Variants in PDE3A observed in about 807,000 individuals in gnomAD.
PDE3A encodes phosphodiesterase 3A.
In PDE3A, 43 loss-of-function variants were observed where a neutral mutation model predicts 98.3. The ratio of observed to expected loss-of-function variants is 0.44; its 90% CI spans 0.34 to 0.56. PDE3A has a LOEUF of 0.56. Ranked by LOEUF, PDE3A falls within the 20% of genes least tolerant of loss-of-function variation. PDE3A has a pLI of 0.01. For missense variants in PDE3A, 1,427 were observed against 1,440.7 expected (o/e 0.99, Z 0.15); for synonymous variants, 663 against 567.9 (o/e 1.17, Z -2.38).
rs76237760 is a variant in PDE3A at position 20,514,935 on chromosome 12, A to T, written c.961-41725A>T. ...GGTAACTTATAAAGAACAGAAATTT[A>T]TTTCAAGAACAGTTCTAAAAGCTAG... On this transcript the variant is annotated intron_variant, in intron 1 of 15. Transcript: ENST00000359062. 8.7e-3 allele frequency among the ~76,000 whole-genome samples: 1,327 copies of T among 152,328 alleles called. 11 individuals are homozygous for T. The highest frequency in any genetic ancestry group is 0.03 in the African/African-American group (1,264 of 41,568).
intron 9 of PDE3A, among the ~76,000 whole-genome samples, chr12:20,637,695 T>C (rs1944551422): frequency 6.6e-6 from 1 of 152,170 alleles, no homozygotes; most frequent in Non-Finnish European, 1.5e-5. Context: ...TTCCTCCTAG[T>C]GTTATGAAAA....
chr12:20,438,008 G>A (rs1327039062), intron 1 of PDE3A, among the ~76,000 whole-genome samples: 2 of 151,578 alleles, frequency 1.3e-5, no homozygotes, highest in Non-Finnish European at 2.9e-5. Flanking sequence ...AGTCAAAGCA[G>A]GAAATCATTT....
At chr12:20,376,764 T>C (rs1345227770) in intron 1 of PDE3A, among the ~76,000 whole-genome samples, 1 of 151,888 alleles carries the variant, frequency 6.6e-6, no homozygotes, top group East Asian at 1.9e-4. Flanking sequence ...TATTTTGCAG[T>C]GTTTCCTTAG....
intron 5 of PDE3A, among the ~76,000 whole-genome samples, chr12:20,628,671 T>TA (rs1231973151): frequency 5.3e-5 from 8 of 152,212 alleles, no homozygotes; most frequent in African/African-American, 1.9e-4. Context: ...GAGAAAGAAC[T>TA]AGAAGGGGTT....
intron 14 of PDE3A, among the ~76,000 whole-genome samples, chr12:20,653,425 C>G (rs756494946): frequency 1.3e-5 from 2 of 151,772 alleles, no homozygotes; most frequent in South Asian, 2.1e-4. Flanking sequence ...TGCAGTGGCA[C>G]GATCTCAGCT....
At chr12:20,677,700 C>T (rs1258627152) in intron 15 of PDE3A, among the ~76,000 whole-genome samples, 2 of 152,168 alleles carry the variant, frequency 1.3e-5, no homozygotes, top group Non-Finnish European at 2.9e-5. Flanking sequence ...ACCTCGTGAT[C>T]TGCCTGTCTC....
In PDE3A at chr12:20,687,930, A is replaced by AAAC. The variant is rs1177813179; in HGVS notation, c.*7661_*7662insCAA. 6.6e-6 allele frequency among the ~76,000 whole-genome samples: 1 copy of AAAC among 150,898 alleles called. No homozygotes were observed. Among genetic ancestry groups the AAAC allele is most frequent in the Non-Finnish European group, 1.5e-5 (1 of 67,588 alleles). The stretch of plus-strand genomic sequence containing the variant: ...TTCCCAACAGAAAAAAAAAAAAAAA[A>AAAC]AAAAAAACTGGCATTGGCAAGTTTT... On this transcript the variant is annotated 3_prime_UTR_variant, in exon 16 of 16. Transcript: ENST00000359062.
intron 2 of PDE3A, among the ~76,000 whole-genome samples, chr12:20,568,212 G>A (rs1226858251): frequency 6.6e-6 from 1 of 151,812 alleles, no homozygotes; most frequent in African/African-American, 2.4e-5. Flanking sequence ...AATTCTATTA[G>A]CATAAAATAA....
chr12:20,538,743 C>T (rs1211115496), intron 1 of PDE3A, among the ~76,000 whole-genome samples: 1 of 152,110 alleles, frequency 6.6e-6, no homozygotes, highest in Admixed American at 6.5e-5. Flanking sequence ...CACCTGGGTT[C>T]AAGCAATCCT....
chr12:20,662,095 A>G (rs1327596639), intron 15 of PDE3A, among the ~76,000 whole-genome samples: 2 of 151,670 alleles, frequency 1.3e-5, no homozygotes, highest in Non-Finnish European at 2.9e-5. Flanking sequence ...CATGCTTGTC[A>G]GGTCTCTCCA....
At chr12:20,528,849 T>A (rs1946572967) in intron 1 of PDE3A, among the ~76,000 whole-genome samples, 1 of 105,408 alleles carries the variant, frequency 9.5e-6, no homozygotes, top group Non-Finnish European at 2.4e-5. Context: ...TATTTATAGA[T>A]GAAACAGAGT....
rs145602218 is a variant in PDE3A, at chr12:20,682,421, C to T, written c.*2150C>T. On this transcript the variant is annotated 3_prime_UTR_variant, in exon 16 of 16. Transcript: ENST00000359062. ...TCCCCCCTTTCAAAGCATTATTTTA[C>T]AATAATTCATGGCATTTTAAAAAAT... is the stretch of plus-strand genomic sequence containing the variant. 1 of 152,152 alleles carries T rather than the reference C, an allele frequency of 6.6e-6. No homozygotes were observed. The highest frequency in any genetic ancestry group is 2.4e-5 in the African/African-American group (1 of 41,504). 9.4% of individuals were successfully genotyped at this position (152,152 alleles called of 1,614,324 possible).
intron 1 of PDE3A, among the ~76,000 whole-genome samples, chr12:20,428,319 G>A (rs987375606): frequency 1.3e-5 from 2 of 151,956 alleles, no homozygotes; most frequent in Middle Eastern, 3.2e-3. Flanking sequence ...TCGCTCTGTC[G>A]CCCAGGCTGG....
rs1945832106 is a variant in PDE3A at position 20,682,886 on chromosome 12, A to G, written c.*2615A>G. ...GGACTGGCAGGACAGTTGGAAGTCC[A>G]TCACAGTCTATTGACAGTTTCATCA... On this transcript the variant is annotated 3_prime_UTR_variant, in exon 16 of 16. Coordinates refer to ENST00000359062, the MANE Select transcript of PDE3A (RefSeq NM_000921.5). 1 of 152,234 alleles carries G rather than the reference A, an allele frequency of 6.6e-6. No individual in the cohort carries two copies. Among genetic ancestry groups the G allele is most frequent in the Non-Finnish European group, 1.5e-5 (1 of 68,040 alleles). 9.4% of individuals were successfully genotyped at this position (152,234 alleles called of 1,614,324 possible). A position where few individuals can be genotyped will look rare whatever the true frequency, so the allele number is the denominator to read the frequency against.
At chr12:20,473,682 A>G (rs1002275984) in intron 1 of PDE3A, among the ~76,000 whole-genome samples, 2 of 152,120 alleles carry the variant, frequency 1.3e-5, no homozygotes, top group Non-Finnish European at 2.9e-5. Context: ...TCTTAAAAAT[A>G]GAATTATATA....
chr12:20,449,072 C>T (rs996052810), intron 1 of PDE3A, among the ~76,000 whole-genome samples: 13 of 152,044 alleles, frequency 8.6e-5, no homozygotes, highest in Non-Finnish European at 1.5e-4. Flanking sequence ...AAAGCAATGC[C>T]GTAGCTAAAA....
At chr12:20,604,845 G>A (rs961318517) in intron 2 of PDE3A, among the ~76,000 whole-genome samples, 3 of 152,108 alleles carry the variant, frequency 2.0e-5, no homozygotes, top group Non-Finnish European at 4.4e-5. Flanking sequence ...GGAGTTTCAG[G>A]TTGCCGTTCT....
chr12:20,648,924 T>C lies in PDE3A; in HGVS notation c.2769+33T>C, dbSNP rs954423957. 4.4e-5 allele frequency: 53 copies of C among 1,209,384 alleles called. 2 individuals are homozygous for C. The highest frequency in any genetic ancestry group is 1.0e-4 in the Admixed American group (4 of 40,122). The allele number at this position is 1,209,384 out of a possible 1,614,324, so 74.9% of individuals were successfully genotyped here. ...GAGCTGTACCCAGTTTTCTTTTCTT[T>C]TTCTTTTTTTTTTTTTTTTGAGACA... On this transcript the variant is annotated intron_variant, in intron 13 of 15. Transcript: ENST00000359062.
At chr12:20,597,119 G>A (rs1479758882) in intron 2 of PDE3A, among the ~76,000 whole-genome samples, 1 of 152,156 alleles carries the variant, frequency 6.6e-6, no homozygotes, top group Non-Finnish European at 1.5e-5. Context: ...CAATGTCATT[G>A]TTTAGATCTC....
Sources: gnomAD v4.1 joint callset for allele counts (sites outside exome capture counted in the v4.1 genomes callset) on GRCh38, gnomAD v4.1.1 for gene constraint, MANE v1.5 for transcripts, NCBI Gene and HGNC (gene_info 2026-07-23, HGNC 2026-07-21) for gene names.